ACVR1: variants seen among roughly 807,000 people sequenced by gnomAD.
ACVR1 encodes activin receptor type-1.
A neutral mutation model predicts 57.1 loss-of-function variants in ACVR1; 38 were observed. The observed-to-expected ratio is 0.67, with a 90% CI of 0.51 to 0.87. The LOEUF (loss-of-function observed/expected upper bound fraction) is 0.87. ACVR1 is among the 40% of genes least tolerant of loss of function. The pLI, the probability that ACVR1 is intolerant of heterozygous loss-of-function variation, is 0.00. For missense variants in ACVR1, 463 were observed against 638.2 expected, an observed-to-expected ratio of 0.73 and a Z score of 2.96; for synonymous variants, 212 against 228.1, an observed-to-expected ratio of 0.93 and a Z score of 0.63.
chr2:157,852,084 G>C (rs952958158), intron 1 of ACVR1, among the ~76,000 whole-genome samples: 1 of 152,016 alleles, frequency 6.6e-6, no homozygotes, highest in Admixed American at 6.6e-5. Flanking sequence ...GCTTATGAGA[G>C]GTATAGGCAT....
chr2:157,828,174 G>A (rs1011645137), intron 1 of ACVR1, among the ~76,000 whole-genome samples: 4 of 151,994 alleles, frequency 2.6e-5, no homozygotes, highest in Non-Finnish European at 4.4e-5. Context: ...AAGGCCGGGC[G>A]CTGGGGCTCA....
chr2:157,809,649 T>C (rs1018659685), intron 2 of ACVR1, among the ~76,000 whole-genome samples: 41 of 151,716 alleles, frequency 2.7e-4, no homozygotes, highest in African/African-American at 9.0e-4. Context: ...AAGAAAACAA[T>C]GTTAAAAGTA....
At chr2:157,867,275 A>G (rs190595873) in intron 1 of ACVR1, among the ~76,000 whole-genome samples, 2 of 152,270 alleles carry the variant, frequency 1.3e-5, no homozygotes, top group South Asian at 2.1e-4. Context: ...CTAAAACCCT[A>G]GTTCCATCTA....
intron 1 of ACVR1, among the ~76,000 whole-genome samples, chr2:157,871,442 A>G (rs1690110609): frequency 6.6e-6 from 1 of 152,176 alleles, no homozygotes. Flanking sequence ...ACTTATGCTA[A>G]AAGTGGTCTC....
At chr2:157,739,260 G>C (rs1197533155) in intron 9 of ACVR1, among the ~76,000 whole-genome samples, 2 of 152,106 alleles carry the variant, frequency 1.3e-5, no homozygotes, top group South Asian at 2.1e-4. Context: ...AATGTAAAGA[G>C]GATAGCCATG....
At position 157,780,333 on chromosome 2, in the gene ACVR1, G is replaced by C; in HGVS notation, c.331+4C>G. 1.2e-6 allele frequency: 2 copies of C among 1,614,090 alleles called. No homozygotes were observed. Among genetic ancestry groups the C allele is most frequent in the Non-Finnish European group, 1.7e-6 (2 of 1,179,990 alleles). On this transcript the variant is annotated splice_donor_region_variant and intron_variant, in intron 4 of 10. Coordinates refer to ENST00000434821, the MANE Select transcript of ACVR1 (RefSeq NM_001111067.4). ...GATCTAGAAATAGAAAAGTCCATGG[G>C]AACCTTTAGTGGGCAGCTGGGCCGT...
chr2:157,804,531 G>A (rs1450725712), intron 2 of ACVR1, among the ~76,000 whole-genome samples: 1 of 152,128 alleles, frequency 6.6e-6, no homozygotes, highest in Admixed American at 6.5e-5. Flanking sequence ...AAAATCACAG[G>A]CTACTGGGGA....
intron 1 of ACVR1, among the ~76,000 whole-genome samples, chr2:157,859,779 CTAAG>C (rs999412074): frequency 1.3e-5 from 2 of 152,180 alleles, no homozygotes; most frequent in African/African-American, 4.8e-5. Flanking sequence ...GATTATCCCC[CTAAG>C]TGTTTCCCAA....
At chr2:157,750,047 C>G (rs918311247) in intron 9 of ACVR1, among the ~76,000 whole-genome samples, 1 of 152,194 alleles carries the variant, frequency 6.6e-6, no homozygotes, top group Admixed American at 6.5e-5. Flanking sequence ...TGCTAGCACC[C>G]GCACACACAT....
intron 1 of ACVR1, among the ~76,000 whole-genome samples, chr2:157,850,571 G>A (rs775121324): frequency 6.6e-5 from 10 of 152,178 alleles, no homozygotes; most frequent in African/African-American, 9.7e-5. Context: ...TAAGCTGGCA[G>A]TTCAAGGGAA....
chr2:157,856,154 A>G (rs953829007), intron 1 of ACVR1, among the ~76,000 whole-genome samples: 7 of 152,094 alleles, frequency 4.6e-5, no homozygotes, highest in African/African-American at 1.7e-4. Flanking sequence ...AAGTGCTATA[A>G]TGTGCTTTTT....
At chr2:157,783,115 C>T (rs1009365378) in intron 3 of ACVR1, among the ~76,000 whole-genome samples, 8 of 152,152 alleles carry the variant, frequency 5.3e-5, no homozygotes, top group African/African-American at 1.7e-4. Context: ...TGGTCCTAAA[C>T]GGACAGTCCA....
chr2:157,786,065 A>C (rs1239270095), intron 3 of ACVR1, among the ~76,000 whole-genome samples: 1 of 152,142 alleles, frequency 6.6e-6, no homozygotes, highest in Non-Finnish European at 1.5e-5. Context: ...TCCACTTTGA[A>C]TGCTTATCTC....
In ACVR1 at chr2:157,866,578, T is replaced by C. The variant is rs906969939; in HGVS notation, c.-183+9218A>G. Reference sequence around the variant, plus strand: ...TCTTGGAGCTCCGGCAACTTCTTTTTCACATTTTATATCATCTATGATACC... The same window carrying C: ...TCTTGGAGCTCCGGCAACTTCTTTTCCACATTTTATATCATCTATGATACC... On this transcript the variant is annotated intron_variant, in intron 1 of 10. Transcript: ENST00000434821. Among the ~76,000 whole-genome samples the C allele has an allele frequency of 1.2e-4, 18 of 152,322 alleles. No individual in the cohort carries two copies. In the East Asian group the frequency reaches 3.3e-3, roughly 28 times the overall value.
rs1403918547 is a variant in ACVR1, at chr2:157,839,261, C to T, written c.-182-20702G>A. On this transcript the variant is annotated intron_variant, in intron 1 of 10. Coordinates refer to ENST00000434821, the MANE Select transcript of ACVR1 (RefSeq NM_001111067.4). ...GTAAGCACTGGCCTCTCTCGGGTCT[C>T]GCCTTTCTATTGTCCCACCCTGCAG... Among the ~76,000 whole-genome samples the T allele has an allele frequency of 3.9e-5, 6 of 152,288 alleles. No homozygotes were observed. The South Asian group carries it at 8.3e-4, about 21-fold the overall frequency.
chr2:157,738,973 C>A (rs1490739767), intron 9 of ACVR1, among the ~76,000 whole-genome samples: 1 of 152,156 alleles, frequency 6.6e-6, no homozygotes, highest in East Asian at 1.9e-4. Context: ...GGTTTCAAAC[C>A]ATAAATAGAA....
At chr2:157,837,391 C>CA (rs1688818918) in intron 1 of ACVR1, among the ~76,000 whole-genome samples, 2 of 152,302 alleles carry the variant, frequency 1.3e-5, no homozygotes, top group South Asian at 4.1e-4. Context: ...GAGCTTCACT[C>CA]AGAGAACGGG....
At chr2:157,773,790 A>G (rs1429752487) in intron 6 of ACVR1, among the ~76,000 whole-genome samples, 1 of 152,230 alleles carries the variant, frequency 6.6e-6, no homozygotes, top group Non-Finnish European at 1.5e-5. Flanking sequence ...ACCTATGGTA[A>G]GGAGCAACCA....
intron 1 of ACVR1, among the ~76,000 whole-genome samples, chr2:157,868,032 T>G (rs1187553519): frequency 6.6e-6 from 1 of 152,166 alleles, no homozygotes; most frequent in Non-Finnish European, 1.5e-5. Context: ...TTTCTAAGCT[T>G]GCTCCTATGG....
Sources: gnomAD v4.1 joint callset for allele counts (sites outside exome capture counted in the v4.1 genomes callset) on GRCh38, gnomAD v4.1.1 for gene constraint, MANE v1.5 for transcripts, NCBI Gene and HGNC (gene_info 2026-07-23, HGNC 2026-07-21) for gene names.